SLC13A5: variants seen among roughly 807,000 people sequenced by gnomAD.
The protein encoded by SLC13A5 is solute carrier family 13 member 5, also known as Na(+)/citrate cotransporter.
SLC13A5 carries 25 observed loss-of-function variants against 56.5 expected under a neutral mutation model. That is an observed-to-expected ratio of 0.44 (90% CI 0.32 to 0.62). The LOEUF is 0.62. Ranked by LOEUF, SLC13A5 falls within the 20% of genes least tolerant of loss-of-function variation. SLC13A5 has a pLI of 0.04. For missense variants in SLC13A5, 649 were observed against 737.8 expected, an observed-to-expected ratio of 0.88 and a Z score of 1.39; for synonymous variants, 307 against 301.5, an observed-to-expected ratio of 1.02 and a Z score of -0.19.
chr17:6,694,900 G>C (rs1215187076), intron 7 of SLC13A5, among the ~76,000 whole-genome samples: 1 of 152,124 alleles, frequency 6.6e-6, no homozygotes, highest in African/African-American at 2.4e-5. Flanking sequence ...CCTTTTCTAG[G>C]ATGTACATGT....
rs923127174 is a variant in SLC13A5 at position 6,684,961 on chromosome 17, G to A, written c.*1246C>T. On this transcript the variant is annotated 3_prime_UTR_variant, in exon 12 of 12. Coordinates refer to ENST00000433363, the MANE Select transcript of SLC13A5 (RefSeq NM_177550.5). The stretch of plus-strand genomic sequence containing the variant: ...GGGAAAGAAGATGCTTGTCTCTCAT[G>A]TCTGTCTCTTACAGGGGGGTTCTGA... 1 of 117,196 alleles carries A rather than the reference G, an allele frequency of 8.5e-6. No homozygotes were observed. The allele number at this position is 117,196 out of a possible 1,614,324, so 7.3% of individuals were successfully genotyped here. A position where few individuals can be genotyped will look rare whatever the true frequency, so the allele number is the denominator to read the frequency against.
intron 1 of SLC13A5, among the ~76,000 whole-genome samples, chr17:6,708,010 T>C (rs1286696716): frequency 6.6e-6 from 1 of 152,232 alleles, no homozygotes; most frequent in African/African-American, 2.4e-5. Flanking sequence ...TTCGATCCTG[T>C]TGCCCAGGCT....
At position 6,711,624 on chromosome 17, in the gene SLC13A5, T is replaced by G. The variant is rs1301266526; in HGVS notation, c.102+1608A>C. 4.0e-5 allele frequency among the ~76,000 whole-genome samples: 6 copies of G among 149,364 alleles called. No homozygotes were observed. The highest frequency in any genetic ancestry group is 1.2e-4 in the African/African-American group (5 of 40,598). On this transcript the variant is annotated intron_variant, in intron 1 of 11. Coordinates refer to ENST00000433363, the MANE Select transcript of SLC13A5 (RefSeq NM_177550.5). This position sits in a 1 kb window ranked among gnomAD's most constrained non-coding sequence, Gnocchi z 4.0. Reference sequence around the variant, plus strand: ...TTTGTGCGTGTGTTTTTGTGTGTGTTTGTGTTTGTGCGTGTGTTTTGTGTG... The same window carrying G: ...TTTGTGCGTGTGTTTTTGTGTGTGTGTGTGTTTGTGCGTGTGTTTTGTGTG...
chr17:6,685,853 GAAAAC>G lies in SLC13A5; in HGVS notation c.*349_*353del. The G allele has an allele frequency of 3.6e-6, 1 of 279,992 alleles. No individual in the cohort carries two copies. The highest frequency in any genetic ancestry group is 4.3e-5 in the Admixed American group (1 of 23,226). The allele number at this position is 279,992 out of a possible 1,614,324, so 17.3% of individuals were successfully genotyped here. On this transcript the variant is annotated 3_prime_UTR_variant, in exon 12 of 12. Coordinates refer to ENST00000433363, the MANE Select transcript of SLC13A5 (RefSeq NM_177550.5). The surrounding 1 kb of genome is among the most constrained non-coding windows in gnomAD (Gnocchi z 4.2). ...TTAAACTATCTAGGACGAAGCGAGT[GAAAAC>G]CAGAGCCCTGTGTGGGGGATGCTTG...
At position 6,695,879 on chromosome 17, in the gene SLC13A5, A is replaced by C; in HGVS notation, c.902T>G (p.Val301Gly). 1.9e-6 allele frequency: 3 copies of C among 1,614,088 alleles called. No homozygotes were observed. Among genetic ancestry groups the C allele is most frequent in the Non-Finnish European group, 2.5e-6 (3 of 1,180,018 alleles). The change falls in exon 7 of 12, where the codon GTG becomes GGG. Residue 301 changes from valine to glycine, a missense_variant. Physicochemically the swap from Val to Gly is moderately radical, Grantham distance 109 (BLOSUM62 -3). Transcript: ENST00000433363. ...SKKNEKAALK[V>G]LQEEYRKLGP... ...CAGCTTCCGGTACTCCTCCTGCAGC[A>C]CCTTGAGGGCAGCCTTCTCGTTTTT...
chr17:6,687,211 A>G lies in SLC13A5; in HGVS notation c.1575+318T>C. ...CTTCATGGTTCTTGCTAATTTGTCA[A>G]GTTCATCCTTGGCCATATGAGTCCC... On this transcript the variant is annotated intron_variant, in intron 11 of 11. Transcript: ENST00000433363. This position sits in a 1 kb window ranked among gnomAD's most constrained non-coding sequence, Gnocchi z 5.0. The G allele has an allele frequency of 3.3e-6, 1 of 304,052 alleles. No homozygotes were observed. Among genetic ancestry groups the G allele is most frequent in the Non-Finnish European group, 6.1e-6 (1 of 163,608 alleles). 18.8% of individuals were successfully genotyped at this position (304,052 alleles called of 1,614,324 possible). A position where few individuals can be genotyped will look rare whatever the true frequency, so the allele number is the denominator to read the frequency against.
Position 6,687,748 on chromosome 17 carries a change from T to C in SLC13A5, c.1438-82A>G, listed in dbSNP as rs16956138. The stretch of plus-strand genomic sequence containing the variant: ...GTGATTCTGAAAAGGATTCTCTGAA[T>C]GTGCCGGGTACGTTTGAACCTCTGT... On this transcript the variant is annotated intron_variant, in intron 10 of 11. Coordinates refer to ENST00000433363, the MANE Select transcript of SLC13A5 (RefSeq NM_177550.5). The surrounding 1 kb of genome is among the most constrained non-coding windows in gnomAD (Gnocchi z 5.0). The C allele has an allele frequency of 0.027, 40,394 of 1,471,088 alleles. 788 individuals are homozygous for C. The highest frequency in any genetic ancestry group is 0.087 in the African/African-American group (6,051 of 69,326). 91.1% of individuals were successfully genotyped at this position (1,471,088 alleles called of 1,614,324 possible). A position where few individuals can be genotyped will look rare whatever the true frequency, so the allele number is the denominator to read the frequency against.
At position 6,685,950 on chromosome 17, in the gene SLC13A5, T is replaced by G. The variant is rs999248315; in HGVS notation, c.*257A>C. On this transcript the variant is annotated 3_prime_UTR_variant, in exon 12 of 12. Coordinates refer to ENST00000433363, the MANE Select transcript of SLC13A5 (RefSeq NM_177550.5). This position sits in a 1 kb window ranked among gnomAD's most constrained non-coding sequence, Gnocchi z 4.2. ...TACCTGGCCTCCCTCACAGAGATAATGGCAAGGCTTGGGAAAGATGGGTCC... is the reference window on the plus strand; with the variant it reads ...TACCTGGCCTCCCTCACAGAGATAAGGGCAAGGCTTGGGAAAGATGGGTCC... 1 of 493,426 alleles carries G rather than the reference T, an allele frequency of 2.0e-6. No homozygotes were observed. Among genetic ancestry groups the G allele is most frequent in the Non-Finnish European group, 3.7e-6 (1 of 273,362 alleles). The allele number at this position is 493,426 out of a possible 1,614,324, so 30.6% of individuals were successfully genotyped here.
At chr17:6,707,588 GAGA>G (rs1204539917) in intron 1 of SLC13A5, among the ~76,000 whole-genome samples, 1 of 152,160 alleles carries the variant, frequency 6.6e-6, no homozygotes, top group Non-Finnish European at 1.5e-5. Flanking sequence ...AGAGGAGAAG[GAGA>G]AGAAGAATAA....
chr17:6,687,712 C>T lies in SLC13A5; in HGVS notation c.1438-46G>A, dbSNP rs1973288265. On this transcript the variant is annotated intron_variant, in intron 10 of 11. Transcript: ENST00000433363. The surrounding 1 kb of genome is among the most constrained non-coding windows in gnomAD (Gnocchi z 5.0). The stretch of plus-strand genomic sequence containing the variant: ...AACATCACCGTACAGAACACAGAAG[C>T]TCTTGGGGACGTGATTCTGAAAAGG... 1 of 1,510,164 alleles carries T rather than the reference C, an allele frequency of 6.6e-7. No individual in the cohort carries two copies. The allele number at this position is 1,510,164 out of a possible 1,614,324, so 93.5% of individuals were successfully genotyped here. A position where few individuals can be genotyped will look rare whatever the true frequency, so the allele number is the denominator to read the frequency against.
chr17:6,685,597 C>CGTA lies in SLC13A5; in HGVS notation c.*609_*610insTAC. ...GTCCTGAAGTTGGCAACTCAGATTC[C>CGTA]TCATCCTTTGGTGGTGGCCACAGGA... is the stretch of plus-strand genomic sequence containing the variant. On this transcript the variant is annotated 3_prime_UTR_variant, in exon 12 of 12. Transcript: ENST00000433363. The surrounding 1 kb of genome is among the most constrained non-coding windows in gnomAD (Gnocchi z 4.2). 6.5e-6 allele frequency: 1 copy of CGTA among 154,100 alleles called. No homozygotes were observed. The highest frequency in any genetic ancestry group is 6.4e-5 in the Admixed American group (1 of 15,744). 9.5% of individuals were successfully genotyped at this position (154,100 alleles called of 1,614,324 possible).
Position 6,703,873 on chromosome 17 carries a change from C to T in SLC13A5, c.547+5G>A. The T allele has an allele frequency of 6.5e-7, 1 of 1,533,194 alleles. No individual in the cohort carries two copies. The highest frequency in any genetic ancestry group is 1.2e-5 in the South Asian group (1 of 80,748). 95.0% of individuals were successfully genotyped at this position (1,533,194 alleles called of 1,614,324 possible). A position where few individuals can be genotyped will look rare whatever the true frequency, so the allele number is the denominator to read the frequency against. On this transcript the variant is annotated splice_donor_5th_base_variant and intron_variant, in intron 4 of 11. Transcript: ENST00000433363. Reference sequence around the variant, plus strand: ...GGCCTGGCAGTGCCCTGGCCAGGGGCTCACCTGGCAGCTCCTTGGCCTTGC... The same window carrying T: ...GGCCTGGCAGTGCCCTGGCCAGGGGTTCACCTGGCAGCTCCTTGGCCTTGC...
At chr17:6,686,852 C>T (rs1226885241) in intron 11 of SLC13A5, 1 of 157,052 alleles carries the variant, frequency 6.4e-6, no homozygotes, top group African/African-American at 2.4e-5. Context: ...CTGGGACCCA[C>T]CTTTTTTTTT....
chr17:6,692,056 C>G lies in SLC13A5; in HGVS notation c.1275+988G>C, dbSNP rs1973419921. Among the ~76,000 whole-genome samples, 1 of 152,112 alleles carries G rather than the reference C, an allele frequency of 6.6e-6. No homozygotes were observed. Among genetic ancestry groups the G allele is most frequent in the African/African-American group, 2.4e-5 (1 of 41,412 alleles). ...ACGAACAGGGACCGTATCTCAATCT[C>G]CTCTGTAATCTCTGTGCCTGGCATA... On this transcript the variant is annotated intron_variant, in intron 9 of 11. Transcript: ENST00000433363. The surrounding 1 kb of genome is among the most constrained non-coding windows in gnomAD (Gnocchi z 5.5).
intron 1 of SLC13A5, among the ~76,000 whole-genome samples, chr17:6,710,482 C>T (rs1973990957): frequency 1.3e-5 from 2 of 152,118 alleles, no homozygotes; most frequent in South Asian, 2.1e-4. Flanking sequence ...AGGTGGCGTG[C>T]GTCACCAATG....
At chr17:6,698,278 CA>C (rs908519061) in intron 6 of SLC13A5, among the ~76,000 whole-genome samples, 139 of 152,350 alleles carry the variant, frequency 9.1e-4, no homozygotes, top group African/African-American at 3.1e-3. Flanking sequence ...CTGCTGCAGA[CA>C]CTCTCAGGCT....
chr17:6,686,302 A>C lies in SLC13A5; in HGVS notation c.1612T>G (p.Phe538Val), dbSNP rs1293539562. ...TGVIMNIIGVFCVFLAVNTWG... is the reference protein window; with the variant it reads ...TGVIMNIIGVVCVFLAVNTWG... ...GTGTTGACAGCCAAAAACACACAGAAGACTCCAATTATGTTCATTATGACT... is the reference window on the plus strand; with the variant it reads ...GTGTTGACAGCCAAAAACACACAGACGACTCCAATTATGTTCATTATGACT... Residue 538 changes from phenylalanine (F) to valine (V), a missense_variant, in exon 12 of 12, where the codon TTC becomes GTC. Phe to Val is a conservative substitution (Grantham distance 50). Transcript: ENST00000433363. 3 of 1,614,170 alleles carry C rather than the reference A, an allele frequency of 1.9e-6. No homozygotes were observed. In the East Asian group the frequency reaches 6.7e-5, roughly 36 times the overall value.
In SLC13A5 at chr17:6,687,315, C is replaced by G. The variant is rs1046947997; in HGVS notation, c.1575+214G>C. The G allele has an allele frequency of 9.5e-6, 6 of 633,160 alleles. No homozygotes were observed. Among genetic ancestry groups the G allele is most frequent in the Admixed American group, 6.8e-5 (2 of 29,252 alleles). 39.2% of individuals were successfully genotyped at this position (633,160 alleles called of 1,614,324 possible). A position where few individuals can be genotyped will look rare whatever the true frequency, so the allele number is the denominator to read the frequency against. On this transcript the variant is annotated intron_variant, in intron 11 of 11. Coordinates refer to ENST00000433363, the MANE Select transcript of SLC13A5 (RefSeq NM_177550.5). This position sits in a 1 kb window ranked among gnomAD's most constrained non-coding sequence, Gnocchi z 5.0. Reference sequence around the variant, plus strand: ...TCCAGGTGGGAGAGTCTATAACCCACCTCAGAGAAAGAACAGTGTGTGAGG... The same window carrying G: ...TCCAGGTGGGAGAGTCTATAACCCAGCTCAGAGAAAGAACAGTGTGTGAGG...
At chr17:6,695,552 G>A (rs1473227650) in intron 7 of SLC13A5, 174 bp downstream of exon 7, 4 of 592,722 alleles carry the variant, frequency 6.7e-6, no homozygotes, top group East Asian at 3.1e-5. Context: ...ACCATGCCTC[G>A]CTAATTTTCT....
Sources: allele counts gnomAD v4.1 joint callset (sites outside exome capture counted in the v4.1 genomes callset), GRCh38; gene constraint gnomAD v4.1.1; non-coding constraint Gnocchi (gnomAD v3.1); transcripts MANE v1.5; gene names NCBI Gene and HGNC (gene_info 2026-07-23, HGNC 2026-07-21).